The following PRMT9 variants were observed in gnomAD, a reference collection of about 807,000 sequenced individuals.
The protein encoded by PRMT9 is protein arginine methyltransferase 9.
PRMT9 carries 59 observed loss-of-function variants against 83.2 expected under a neutral mutation model. That is an observed-to-expected ratio of 0.71 (90% CI 0.57 to 0.88). The LOEUF is 0.88. Among genes scored for constraint, PRMT9 ranks in the 40% least tolerant of loss-of-function variants. PRMT9 has a pLI of 0.00. For synonymous variants in PRMT9, 333 were observed against 353.2 expected (o/e 0.94, Z 0.64); for missense variants, 947 against 1,021.9 (o/e 0.93, Z 1.00).
rs1029945619 is a variant in PRMT9, at chr4:147,673,113, T to C, written c.589A>G (p.Lys197Glu). The stretch of plus-strand genomic sequence containing the variant: ...GCATACACGGAATGTGCTCCAGCTT[T>C]TTTAGCAAACATGCTACAAGGGAAA... The part of the protein sequence containing the change: ...GTGILSMFAK[K>E]AGAHSVYACE... Residue 197 changes from lysine (K) to glutamate (E), a missense_variant, in exon 4 of 12, where the codon AAA becomes GAA. Lys to Glu is a moderately conservative substitution (Grantham distance 56). Coordinates refer to ENST00000322396, the MANE Select transcript of PRMT9 (RefSeq NM_138364.4). 1 of 1,613,886 alleles carries C rather than the reference T, an allele frequency of 6.2e-7. No homozygotes were observed.
intron 1 of PRMT9, among the ~76,000 whole-genome samples, 181 bp downstream of exon 1, chr4:147,683,614 TTTTC>T (rs1372333211): frequency 6.6e-6 from 1 of 150,696 alleles, no homozygotes; most frequent in African/African-American, 2.5e-5. Flanking sequence ...CCTCCGCCTT[TTTTC>T]TTTTCTTTTT....
chr4:147,676,157 G>A (rs556444123), intron 2 of PRMT9, among the ~76,000 whole-genome samples: 1 of 152,228 alleles, frequency 6.6e-6, no homozygotes, highest in East Asian at 1.9e-4. Context: ...AGTATTTTTT[G>A]TCTCAATGAC....
chr4:147,671,987 G>T, intron 4 of PRMT9: 1 of 442,928 alleles, frequency 2.3e-6, no homozygotes, highest in Non-Finnish European at 4.5e-6. Context: ...CCAACACCTT[G>T]ATCATGGTCT....
chr4:147,662,325 A>G (rs1735021466), intron 6 of PRMT9, among the ~76,000 whole-genome samples: 1 of 152,222 alleles, frequency 6.6e-6, no homozygotes, highest in Non-Finnish European at 1.5e-5. Context: ...TAGGTGCTCT[A>G]GGGAGAGTGG....
intron 2 of PRMT9, among the ~76,000 whole-genome samples, chr4:147,678,911 C>T (rs543432711): frequency 2.6e-4 from 39 of 152,306 alleles, no homozygotes; most frequent in Non-Finnish European, 3.8e-4. Context: ...GCAAATTTTG[C>T]TTTGTATCCA....
chr4:147,649,056 A>G (rs1387987511), intron 9 of PRMT9, among the ~76,000 whole-genome samples: 2 of 152,236 alleles, frequency 1.3e-5, no homozygotes, highest in African/African-American at 2.4e-5. Context: ...AATGAAAAAA[A>G]TAACGTTGTA....
rs1162551238 is a variant in PRMT9 at position 147,657,855 on chromosome 4, A to G, written c.1267T>C (p.Ser423Pro). The G allele has an allele frequency of 5.0e-6, 8 of 1,611,494 alleles. No homozygotes were observed. Among genetic ancestry groups the G allele is most frequent in the East Asian group, 2.2e-5 (1 of 44,780 alleles). ...CATGTTTCCTCACTAGGACTTGTGG[A>G]TAAACTATGTTCATCATCAAGCTGG... ...VLQLDDEHSLSTSPSEETCWE... is the reference protein window; with the variant it reads ...VLQLDDEHSLPTSPSEETCWE... Residue 423 changes from serine (S) to proline (P), a missense_variant, in exon 8 of 12, where the codon TCC (serine) becomes CCC (proline). Physicochemically the swap from Ser to Pro is moderately conservative, Grantham distance 74 (BLOSUM62 -1). Coordinates refer to ENST00000322396, the MANE Select transcript of PRMT9 (RefSeq NM_138364.4).
intron 2 of PRMT9, among the ~76,000 whole-genome samples, chr4:147,677,154 T>G (rs1023367554): frequency 1.5e-4 from 23 of 151,882 alleles, no homozygotes; most frequent in African/African-American, 5.6e-4. Context: ...GACATTATAA[T>G]CATGTTTCCT....
At chr4:147,655,223 G>A (rs769599603) in intron 8 of PRMT9, among the ~76,000 whole-genome samples, 1 of 152,182 alleles carries the variant, frequency 6.6e-6, no homozygotes, top group Non-Finnish European at 1.5e-5. Flanking sequence ...GGATGCAGTG[G>A]TGTAACATGG....
chr4:147,671,932 G>GA, intron 4 of PRMT9: 3 of 453,614 alleles, frequency 6.6e-6, no homozygotes, highest in South Asian at 4.7e-5. Flanking sequence ...CAAGAAAGCA[G>GA]AATCTGCAAT....
At chr4:147,680,969 C>T (rs192930155) in intron 1 of PRMT9, among the ~76,000 whole-genome samples, 4 of 152,318 alleles carry the variant, frequency 2.6e-5, no homozygotes, top group Non-Finnish European at 4.4e-5. Context: ...AAATGTAGTC[C>T]AACTCAAATA....
Position 147,660,853 on chromosome 4 carries a change from T to C in PRMT9, c.1139A>G (p.Asn380Ser), listed in dbSNP as rs139600323. Residue 380 changes from asparagine (N) to serine (S), a missense_variant, in exon 7 of 12, where the codon AAC becomes AGC. Asn to Ser is a conservative substitution (Grantham distance 46). Coordinates refer to ENST00000322396, the MANE Select transcript of PRMT9 (RefSeq NM_138364.4). ...TAACTGAATTTTTTTCACCTGAAGG[T>C]TGTTGAAATCTACTGTCATAATTTC... ...CFEIMTVDFN[N>S]LQELKSLATK... The C allele has an allele frequency of 1.6e-5, 25 of 1,610,750 alleles. No individual in the cohort carries two copies. In the East Asian group the frequency reaches 5.1e-4, roughly 33 times the overall value.
chr4:147,668,736 C>A, intron 5 of PRMT9, 91 bp from the exon 6 acceptor site: 2 of 805,050 alleles, frequency 2.5e-6, no homozygotes, highest in Non-Finnish European at 4.1e-6. Context: ...ATTTAAAAAA[C>A]CTAAAAAGAC....
chr4:147,668,957 G>A (rs1036762274), intron 5 of PRMT9, among the ~76,000 whole-genome samples: 2 of 152,014 alleles, frequency 1.3e-5, no homozygotes, highest in African/African-American at 4.8e-5. Flanking sequence ...GTGGTGGCAC[G>A]CGCCTGTAGT....
chr4:147,657,895 C>A lies in PRMT9; in HGVS notation c.1227G>T (p.Met409Ile). 1 of 1,608,420 alleles carries A rather than the reference C, an allele frequency of 6.2e-7. No homozygotes were observed. The change falls in exon 8 of 12, where the codon ATG becomes ATT. Residue 409 changes from methionine to isoleucine, a missense_variant. By Grantham distance (10) the Met-to-Ile change is conservative (BLOSUM62 1). Coordinates refer to ENST00000322396, the MANE Select transcript of PRMT9 (RefSeq NM_138364.4). ...CATCAAGCTGGAGCACAAACCAAAC[C>A]ATAATAGCATCTAGTATGCCTTCTT... ...VIKEGILDAI[M>I]VWFVLQLDDE...
intron 9 of PRMT9, among the ~76,000 whole-genome samples, chr4:147,649,998 A>G (rs1733987047): frequency 6.6e-6 from 1 of 152,236 alleles, no homozygotes; most frequent in Middle Eastern, 3.2e-3. Flanking sequence ...AAAGCATTCA[A>G]CAAACTAGGA....
At position 147,668,530 on chromosome 4, in the gene PRMT9, T is replaced by C; in HGVS notation, c.953+9A>G. 9 of 1,502,646 alleles carry C rather than the reference T, an allele frequency of 6.0e-6. No homozygotes were observed. Among genetic ancestry groups the C allele is most frequent in the Non-Finnish European group, 8.3e-6 (9 of 1,081,386 alleles). The allele number at this position is 1,502,646 out of a possible 1,614,324, so 93.1% of individuals were successfully genotyped here. ...TTATAGCAGTGTGAAAATGGACTAA[T>C]ACACTTACCTATGATGTCTTCTTAT... is the stretch of plus-strand genomic sequence containing the variant. On this transcript the variant is annotated intron_variant, in intron 6 of 11. Transcript: ENST00000322396.
chr4:147,668,862 G>A (rs532305059), intron 5 of PRMT9, among the ~76,000 whole-genome samples: 8 of 152,122 alleles, frequency 5.3e-5, no homozygotes, highest in South Asian at 2.1e-4. Context: ...CAAGGCAGGC[G>A]GATCACGAGG....
intron 10 of PRMT9, among the ~76,000 whole-genome samples, 192 bp downstream of exon 10, chr4:147,642,595 C>A (rs1733476690): frequency 6.6e-6 from 1 of 152,162 alleles, no homozygotes; most frequent in Non-Finnish European, 1.5e-5. Flanking sequence ...TTATTGTAAC[C>A]TCTAGGTTGA....
Sources: allele counts gnomAD v4.1 joint callset (sites outside exome capture counted in the v4.1 genomes callset), GRCh38; gene constraint gnomAD v4.1.1; transcripts MANE v1.5; gene names NCBI Gene and HGNC (gene_info 2026-07-23, HGNC 2026-07-21).